The following FGFR2 variants were observed in gnomAD, a reference collection of about 807,000 sequenced individuals.
The protein encoded by FGFR2 is BEK fibroblast growth factor receptor.
FGFR2 carries 19 observed loss-of-function variants against 95.9 expected under a neutral mutation model. The ratio of observed to expected loss-of-function variants is 0.20; its 90% CI spans 0.14 to 0.29. The LOEUF (loss-of-function observed/expected upper bound fraction) is 0.29, where lower values mean the gene tolerates loss of function less well. Among genes scored for constraint, FGFR2 ranks in the 10% least tolerant of loss-of-function variants. FGFR2 has a pLI of 1.00. For missense variants in FGFR2, 707 were observed against 1,056.9 expected, an observed-to-expected ratio of 0.67 and a Z score of 4.59; for synonymous variants, 392 against 393.3, an observed-to-expected ratio of 1.00 and a Z score of 0.04.
chr10:121,488,202 T>C (rs944681183), intron 13 of FGFR2, 89 bp from the exon 14 acceptor site: 38 of 1,552,662 alleles, frequency 2.4e-5, no homozygotes, highest in Non-Finnish European at 3.1e-5. Flanking sequence ...AAAATGCAGA[T>C]AGAAAATATA....
At chr10:121,519,860 T>C (rs775625543) in intron 7 of FGFR2, 119 bp downstream of exon 7, 1 of 915,500 alleles carries the variant, frequency 1.1e-6, no homozygotes, top group African/African-American at 1.6e-5. Context: ...CACTCTCTGC[T>C]GGCTAGTCAA....
At chr10:121,536,019 G>A (rs758407315) in intron 6 of FGFR2, among the ~76,000 whole-genome samples, 1 of 152,218 alleles carries the variant, frequency 6.6e-6, no homozygotes, top group Non-Finnish European at 1.5e-5. Context: ...CGCTTTCACT[G>A]GGAAAGGGTT....
chr10:121,594,660 A>G (rs1464834647), intron 1 of FGFR2, among the ~76,000 whole-genome samples: 1 of 152,242 alleles, frequency 6.6e-6, no homozygotes, highest in Non-Finnish European at 1.5e-5. Flanking sequence ...CATTCAACGC[A>G]GCTGATCCAA....
chr10:121,496,665 C>T lies in FGFR2; in HGVS notation c.1730G>A (p.Arg577Gln), dbSNP rs2133941985. The change falls in exon 13 of 18, where the codon CGA becomes CAA. Residue 577 changes from arginine to glutamine, a missense_variant. Around this residue, in one of 7 missense-constraint regions of FGFR2, gnomAD observed 4 missense variants for 18.9 expected, o/e 0.21. Coordinates refer to ENST00000358487, the MANE Select transcript of FGFR2 (RefSeq NM_000141.5). ...CTCCATCCCGGGTGGCCTCCGGGCT[C>T]GGAGGTATTCTCGGAGGTTGCCTTT... ...ASKGNLREYL[R>Q]ARRPPGMEYS... 3.7e-6 allele frequency: 6 copies of T among 1,612,056 alleles called. No individual in the cohort carries two copies. The highest frequency in any genetic ancestry group is 5.1e-6 in the Non-Finnish European group (6 of 1,179,906).
At chr10:121,548,281 G>GTTTTTTTTTTTTTTTTTTT in intron 5 of FGFR2, among the ~76,000 whole-genome samples, 1 of 31,990 alleles carries the variant, frequency 3.1e-5, no homozygotes, top group Non-Finnish European at 6.2e-5. Context: ...TTTTTTTTTG[G>GTTTTTTTTTTTTTTTTTTT]TAAAGCAAAA....
intron 2 of FGFR2, among the ~76,000 whole-genome samples, chr10:121,576,348 T>C (rs1859757803): frequency 6.6e-6 from 1 of 152,192 alleles, no homozygotes; most frequent in African/African-American, 2.4e-5. Flanking sequence ...GGAGTCTGTG[T>C]GCCTGGCTGC....
chr10:121,591,117 C>T (rs1431226233), intron 2 of FGFR2, among the ~76,000 whole-genome samples: 1 of 152,200 alleles, frequency 6.6e-6, no homozygotes, highest in East Asian at 1.9e-4. Context: ...CAATGACCTT[C>T]CTAATCACCT....
intron 17 of FGFR2, among the ~76,000 whole-genome samples, chr10:121,481,114 G>A (rs1451068295): frequency 6.6e-6 from 1 of 152,036 alleles, no homozygotes; most frequent in Non-Finnish European, 1.5e-5. Flanking sequence ...GGCCGGCAAA[G>A]CTGAAAATAT....
chr10:121,494,574 G>C (rs1293269994), intron 13 of FGFR2, among the ~76,000 whole-genome samples: 1 of 152,034 alleles, frequency 6.6e-6, no homozygotes, highest in Non-Finnish European at 1.5e-5. Context: ...CCCTCCCCAG[G>C]CTTATTTAGG....
chr10:121,494,994 A>C (rs1270339101), intron 13 of FGFR2, among the ~76,000 whole-genome samples: 1 of 152,068 alleles, frequency 6.6e-6, no homozygotes, highest in East Asian at 1.9e-4. Context: ...TACACTTAGG[A>C]ATTGTCTCAT....
intron 2 of FGFR2, among the ~76,000 whole-genome samples, chr10:121,569,692 A>T (rs1193964938): frequency 2.0e-5 from 3 of 152,218 alleles, no homozygotes; most frequent in Non-Finnish European, 4.4e-5. Flanking sequence ...ACCCCCTAAA[A>T]TACACCAATG....
intron 17 of FGFR2, among the ~76,000 whole-genome samples, chr10:121,482,862 A>C (rs1261499013): frequency 1.3e-5 from 2 of 152,170 alleles, no homozygotes; most frequent in African/African-American, 4.8e-5. Context: ...GCAGTGGCGC[A>C]ATCTCAGTCA....
In FGFR2 at chr10:121,485,505, C is replaced by T. The variant is rs1429713025; in HGVS notation, c.2085G>A (p.Glu695=). 1 of 1,614,132 alleles carries T rather than the reference C, an allele frequency of 6.2e-7. No individual in the cohort carries two copies. The highest frequency in any genetic ancestry group is 8.5e-7 in the Non-Finnish European group (1 of 1,180,018). The change falls in exon 16 of 18, where the codon GAG becomes GAA. Residue 695 remains glutamate, a synonymous_variant. Transcript: ENST00000358487. The surrounding 1 kb of genome is among the most constrained non-coding windows in gnomAD (Gnocchi z 4.2). ...AGGGCGAGCCCCCTAAAGTGAAGAT[C>T]TCCCACATTAACACCCCGAAGGACC... is the stretch of plus-strand genomic sequence containing the variant. ...DVWSFGVLMW[E]IFTLGGSPYP...
rs369682344 is a variant in FGFR2, at chr10:121,518,800, T to C, written c.939+1179A>G. 1.7e-5 allele frequency: 27 copies of C among 1,614,026 alleles called. No homozygotes were observed. Among genetic ancestry groups the C allele is most frequent in the Non-Finnish European group, 2.2e-5 (26 of 1,180,016 alleles). On this transcript the variant is annotated intron_variant, in intron 7 of 17. Transcript: ENST00000358487. The surrounding 1 kb of genome is among the most constrained non-coding windows in gnomAD (Gnocchi z 4.0). ...CGGTCACATTGAACAGAGCCAGCAC[T>C]TCTGCATTGGAACTATTTATCCCCG...
rs2133792619 is a variant in FGFR2, at chr10:121,485,376, G to C, written c.2195+19C>G. On this transcript the variant is annotated intron_variant, in intron 16 of 17. Coordinates refer to ENST00000358487, the MANE Select transcript of FGFR2 (RefSeq NM_000141.5). The surrounding 1 kb of genome is among the most constrained non-coding windows in gnomAD (Gnocchi z 4.2). ...GGCAAGTCCACTGGGGCACCGGCAGGAAAGACAACAGCCCTTACAGTTCGT... is the reference window on the plus strand; with the variant it reads ...GGCAAGTCCACTGGGGCACCGGCAGCAAAGACAACAGCCCTTACAGTTCGT... 1 of 1,614,038 alleles carries C rather than the reference G, an allele frequency of 6.2e-7. No individual in the cohort carries two copies. Among genetic ancestry groups the C allele is most frequent in the Non-Finnish European group, 8.5e-7 (1 of 1,180,006 alleles).
At chr10:121,487,299 C>T (rs1046214003) in intron 15 of FGFR2, 55 bp downstream of exon 15, 2 of 1,358,184 alleles carry the variant, frequency 1.5e-6, no homozygotes, top group Non-Finnish European at 2.1e-6. Context: ...GAAGTACGTA[C>T]AGTATTTTTG....
intron 3 of FGFR2, among the ~76,000 whole-genome samples, chr10:121,565,013 T>C (rs1857468491): frequency 6.6e-6 from 1 of 152,140 alleles, no homozygotes. Context: ...ACTAACATTC[T>C]GAAAGCAGAA....
chr10:121,597,847 T>C lies in FGFR2; in HGVS notation c.-151+115A>G, dbSNP rs1002080148. 5.6e-4 allele frequency: 208 copies of C among 372,228 alleles called. 2 individuals carry two copies. The East Asian group carries it at 7.8e-3, about 14-fold the overall frequency. The allele number at this position is 372,228 out of a possible 1,614,324, so 23.1% of individuals were successfully genotyped here. A position where few individuals can be genotyped will look rare whatever the true frequency, so the allele number is the denominator to read the frequency against. On this transcript the variant is annotated intron_variant, in intron 1 of 17. Coordinates refer to ENST00000358487, the MANE Select transcript of FGFR2 (RefSeq NM_000141.5). ...GGAGGACACGGAGCGTCCTCCACAA[T>C]GCTAGTCCTTCCGCGCCCCCCGCCC...
intron 6 of FGFR2, chr10:121,530,393 C>A (rs748922719): frequency 1.3e-5 from 2 of 152,310 alleles, no homozygotes; most frequent in Non-Finnish European, 2.9e-5. Flanking sequence ...GAGGCCTGCG[C>A]GGGCAGATCA....
Sources: allele counts gnomAD v4.1 joint callset (sites outside exome capture counted in the v4.1 genomes callset), GRCh38; gene constraint gnomAD v4.1.1; regional missense constraint gnomAD v4.1.1; non-coding constraint Gnocchi (gnomAD v3.1); transcripts MANE v1.5; gene names NCBI Gene and HGNC (gene_info 2026-07-23, HGNC 2026-07-21).